USP34: variants seen among roughly 807,000 people sequenced by gnomAD.
The protein encoded by USP34 is ubiquitin specific peptidase 34.
A neutral mutation model predicts 460.3 loss-of-function variants in USP34; 70 were observed. That is an observed-to-expected ratio of 0.15 (90% confidence interval 0.13 to 0.19). The LOEUF is 0.19. Ranked by LOEUF, USP34 falls within the 10% of genes least tolerant of loss-of-function variation. The probability of loss-of-function intolerance (pLI) is 1.00; values close to 1 mark genes in which losing one functional copy is unlikely to be tolerated. For synonymous variants in USP34, 1,647 were observed against 1,405.3 expected, an observed-to-expected ratio of 1.17 and a Z score of -3.85; for missense variants, 3,985 against 4,236.2, an observed-to-expected ratio of 0.94 and a Z score of 1.65.
chr2:61,306,871 T>A (rs1282252171), intron 27 of USP34, among the ~76,000 whole-genome samples: 2 of 152,206 alleles, frequency 1.3e-5, no homozygotes, highest in Non-Finnish European at 1.5e-5. Flanking sequence ...TTGGTGGGAC[T>A]GTAAACTAGT....
chr2:61,307,020 GT>G (rs1210351288), intron 27 of USP34, among the ~76,000 whole-genome samples: 1 of 152,098 alleles, frequency 6.6e-6, no homozygotes, highest in Non-Finnish European at 1.5e-5. Flanking sequence ...GCACACATAT[GT>G]TTATTGTGGC....
intron 21 of USP34, among the ~76,000 whole-genome samples, chr2:61,324,028 A>T (rs139635843): frequency 1.3e-5 from 2 of 152,378 alleles, no homozygotes; most frequent in East Asian, 3.9e-4. Flanking sequence ...TATGGACTTG[A>T]AAAGAGTCAT....
At chr2:61,191,944 A>C (rs1686656336) in intron 76 of USP34, among the ~76,000 whole-genome samples, 1 of 152,210 alleles carries the variant, frequency 6.6e-6, no homozygotes, top group Admixed American at 6.5e-5. Flanking sequence ...CTAGCCTCTG[A>C]AAGATTTCTA....
chr2:61,436,919 T>A (rs1694829454), intron 1 of USP34, among the ~76,000 whole-genome samples: 1 of 152,090 alleles, frequency 6.6e-6, no homozygotes, highest in Admixed American at 6.5e-5. Flanking sequence ...ACATGGAAAT[T>A]AAACAACATG....
At chr2:61,396,614 G>C (rs1362628902) in intron 3 of USP34, among the ~76,000 whole-genome samples, 1 of 151,836 alleles carries the variant, frequency 6.6e-6, no homozygotes, top group Non-Finnish European at 1.5e-5. Flanking sequence ...TCAGCCTCCA[G>C]AGTAGCCGGG....
Position 61,190,586 on chromosome 2 carries a change from G to C in USP34, c.9661C>G (p.Leu3221Val). 1 of 1,614,048 alleles carries C rather than the reference G, an allele frequency of 6.2e-7. No individual in the cohort carries two copies. The highest frequency in any genetic ancestry group is 8.5e-7 in the Non-Finnish European group (1 of 1,179,974). Residue 3221 changes from leucine to valine, a missense_variant, in exon 77 of 80, where the codon CTA (leucine) becomes GTA (valine). Leu to Val is a conservative substitution (Grantham distance 32, BLOSUM62 1). Transcript: ENST00000398571. Reference sequence around the variant, plus strand: ...TTTAAAAAAGTTCTTTCATCCATTAGGATACATTTAATATATTCTGCGAAA... The same window carrying C: ...TTTAAAAAAGTTCTTTCATCCATTACGATACATTTAATATATTCTGCGAAA... Reference protein sequence around the residue: ...PVFAEYIKCILMDERTFLNNN... With the variant: ...PVFAEYIKCIVMDERTFLNNN...
Position 61,407,621 on chromosome 2 carries a change from G to C in USP34, c.132-1493C>G, listed in dbSNP as rs576507602. Among the ~76,000 whole-genome samples the C allele has an allele frequency of 2.1e-3, 316 of 152,332 alleles. 1 individual carries two copies. Among genetic ancestry groups the C allele is most frequent in the Non-Finnish European group, 4.0e-3 (269 of 68,024 alleles). ...AAATTACTTGATATTCTTCTGTGTA[G>C]ACGGAACTCACTTCTAGTGAATAGA... On this transcript the variant is annotated intron_variant, in intron 2 of 79. Transcript: ENST00000398571.
In USP34 at chr2:61,236,163, T is replaced by C; in HGVS notation, c.6916A>G (p.Lys2306Glu). Residue 2306 changes from lysine to glutamate, a missense_variant and splice_region_variant, in exon 55 of 80, where the codon AAG becomes GAG. Around this residue, in one of 14 missense-constraint regions of USP34, gnomAD observed 604 missense variants for 684.8 expected, o/e 0.88. Coordinates refer to ENST00000398571, the MANE Select transcript of USP34 (RefSeq NM_014709.4). ...DPKAVSLMTA[K>E]LSTSFVLETF... ...TTTAAAGTTCATATATTTATTACCTTTGCTGTCATTAAGGACACAGCTTTA... is the reference window on the plus strand; with the variant it reads ...TTTAAAGTTCATATATTTATTACCTCTGCTGTCATTAAGGACACAGCTTTA... 6.2e-7 allele frequency: 1 copy of C among 1,608,610 alleles called. No homozygotes were observed. The highest frequency in any genetic ancestry group is 8.5e-7 in the Non-Finnish European group (1 of 1,178,066).
chr2:61,414,814 C>T (rs992419884), intron 2 of USP34, among the ~76,000 whole-genome samples: 3 of 152,122 alleles, frequency 2.0e-5, no homozygotes, highest in African/African-American at 7.2e-5. Context: ...ATACACCCTA[C>T]CTAAATGAAG....
At chr2:61,229,457 TA>T (rs57231258) in intron 59 of USP34, 90 bp downstream of exon 59, 13,268 of 380,710 alleles carry the variant, frequency 0.035, 16 homozygotes, top group Non-Finnish European at 0.038. Context: ...CCCTATCTCT[TA>T]AAAAAAAAAA....
chr2:61,220,656 T>A (rs543942771), intron 66 of USP34, among the ~76,000 whole-genome samples, 199 bp from the exon 67 acceptor site: 129 of 152,332 alleles, frequency 8.5e-4, no homozygotes, highest in Admixed American at 2.6e-3. Flanking sequence ...GAAAAATATG[T>A]CACTGGTTTA....
At chr2:61,432,156 T>A (rs751743060) in intron 1 of USP34, among the ~76,000 whole-genome samples, 1 of 148,664 alleles carries the variant, frequency 6.7e-6, no homozygotes, top group African/African-American at 2.5e-5. Flanking sequence ...CTGGGCAACT[T>A]AGACAGAACC....
chr2:61,295,412 A>G, intron 30 of USP34, 122 bp from the exon 31 acceptor site: 1 of 1,071,904 alleles, frequency 9.3e-7, no homozygotes, highest in Non-Finnish European at 1.2e-6. Context: ...AAACATATTA[A>G]AACATATGAA....
intron 10 of USP34, among the ~76,000 whole-genome samples, chr2:61,366,284 G>A (rs1692438449): frequency 6.6e-6 from 1 of 152,204 alleles, no homozygotes; most frequent in Non-Finnish European, 1.5e-5. Flanking sequence ...TAAGTTGTAA[G>A]AAAGCTATAG....
chr2:61,446,812 A>ATT, intron 1 of USP34, among the ~76,000 whole-genome samples: 1 of 136,544 alleles, frequency 7.3e-6, no homozygotes, highest in South Asian at 2.4e-4. Flanking sequence ...AAAAAAAAAA[A>ATT]ATTCCACTGA....
chr2:61,343,804 T>C lies in USP34; in HGVS notation c.2500+11A>G. On this transcript the variant is annotated intron_variant, in intron 16 of 79. Coordinates refer to ENST00000398571, the MANE Select transcript of USP34 (RefSeq NM_014709.4). ...AGAAGGTAATATATTTTACTTACTG[T>C]AGAGTCTTACCTTGACTAAGATGTT... 4 of 1,611,016 alleles carry C rather than the reference T, an allele frequency of 2.5e-6. No homozygotes were observed. The highest frequency in any genetic ancestry group is 3.4e-6 in the Non-Finnish European group (4 of 1,177,276).
chr2:61,463,833 TC>T (rs1047116248), intron 1 of USP34, among the ~76,000 whole-genome samples: 1 of 144,626 alleles, frequency 6.9e-6, no homozygotes, highest in Non-Finnish European at 1.5e-5. Context: ...AAATTCCTTT[TC>T]AAAAAAAAAA....
At chr2:61,371,552 C>T (rs1692628207) in intron 8 of USP34, among the ~76,000 whole-genome samples, 1 of 151,150 alleles carries the variant, frequency 6.6e-6, no homozygotes, top group South Asian at 2.1e-4. Flanking sequence ...TTATAAGAGT[C>T]AAAACGTTAA....
chr2:61,227,565 G>A (rs923036055), intron 61 of USP34, among the ~76,000 whole-genome samples: 3 of 151,974 alleles, frequency 2.0e-5, no homozygotes, highest in Non-Finnish European at 4.4e-5. Context: ...ACAAAAATTA[G>A]CCAGGCGTGG....
Sources: allele counts gnomAD v4.1 joint callset (sites outside exome capture counted in the v4.1 genomes callset), GRCh38; gene constraint gnomAD v4.1.1; regional missense constraint gnomAD v4.1.1; transcripts MANE v1.5; gene names NCBI Gene and HGNC (gene_info 2026-07-23, HGNC 2026-07-21).